The following COG5 variants were observed in gnomAD, a reference collection of about 807,000 sequenced individuals.
COG5 encodes the protein component of oligomeric golgi complex 5.
Under a neutral mutation model 110.4 loss-of-function variants are expected in COG5, and 86 were observed. The observed-to-expected ratio is 0.78, with a 90% confidence interval of 0.65 to 0.93. The LOEUF (loss-of-function observed/expected upper bound fraction) is 0.93, where lower values mean the gene tolerates loss of function less well. Ranked by LOEUF, COG5 falls within the 40% of genes least tolerant of loss-of-function variation. The pLI is 0.00. For synonymous variants in COG5, 360 were observed against 334.6 expected, an observed-to-expected ratio of 1.08 and a Z score of -0.83; for missense variants, 1,077 against 987.0, an observed-to-expected ratio of 1.09 and a Z score of -1.22.
chr7:107,317,824 A>C (rs994349400), intron 11 of COG5, among the ~76,000 whole-genome samples: 1 of 152,198 alleles, frequency 6.6e-6, no homozygotes, highest in African/African-American at 2.4e-5. Flanking sequence ...ATTAACATAG[A>C]TGTTAGAATG....
In COG5 at chr7:107,482,855, T is replaced by C. The variant is rs936175687; in HGVS notation, c.538+44382A>G. Among the ~76,000 whole-genome samples, 4 of 152,208 alleles carry C rather than the reference T, an allele frequency of 2.6e-5. No homozygotes were observed. In the East Asian group the frequency reaches 5.8e-4, roughly 22 times the overall value. The stretch of plus-strand genomic sequence containing the variant: ...CTACTCAATTAATTATAAAATTGCA[T>C]GGCTACTATTTTTCATAAAATTCTT... On this transcript the variant is annotated intron_variant, in intron 6 of 21. Transcript: ENST00000297135.
chr7:107,304,239 T>A (rs1392933811), intron 11 of COG5, among the ~76,000 whole-genome samples: 1 of 152,142 alleles, frequency 6.6e-6, no homozygotes, highest in African/African-American at 2.4e-5. Context: ...CACATGAAGA[T>A]TAAAGGATAT....
At position 107,202,636 on chromosome 7, in the gene COG5, T is replaced by TAACA. The variant is rs1371948812; in HGVS notation, c.*876_*879dup. The TAACA allele has an allele frequency of 2.0e-5, 3 of 152,296 alleles. No homozygotes were observed. Among genetic ancestry groups the TAACA allele is most frequent in the African/African-American group, 7.2e-5 (3 of 41,440 alleles). 9.4% of individuals were successfully genotyped at this position (152,296 alleles called of 1,614,324 possible). ...AGATGGAAAACATAAGGCAAATTCC[T>TAACA]AACACTGCTAATTAGGAGGCTGCTG... On this transcript the variant is annotated 3_prime_UTR_variant, in exon 22 of 22. Transcript: ENST00000297135.
chr7:107,530,959 A>C (rs1801161435), intron 5 of COG5, among the ~76,000 whole-genome samples: 1 of 152,146 alleles, frequency 6.6e-6, no homozygotes, highest in African/African-American at 2.4e-5. Context: ...GCCACCACAG[A>C]AGCCCTCATT....
chr7:107,390,926 C>CA (rs1343175863), intron 7 of COG5, among the ~76,000 whole-genome samples: 3 of 151,654 alleles, frequency 2.0e-5, no homozygotes, highest in African/African-American at 7.3e-5. Context: ...AAGGTTTTTG[C>CA]AAAAGCCTCA....
intron 1 of COG5, among the ~76,000 whole-genome samples, chr7:107,558,976 A>T (rs893938228): frequency 6.7e-6 from 1 of 150,154 alleles, no homozygotes; most frequent in Non-Finnish European, 1.5e-5. Context: ...AGAAAACAAG[A>T]TCATTGTCAG....
At chr7:107,466,717 T>C (rs941954799) in intron 6 of COG5, among the ~76,000 whole-genome samples, 3 of 152,190 alleles carry the variant, frequency 2.0e-5, no homozygotes, top group East Asian at 3.8e-4. Flanking sequence ...TGAATTGGCA[T>C]TAAAGCAAAA....
intron 17 of COG5, among the ~76,000 whole-genome samples, chr7:107,240,559 C>T (rs562738712): frequency 1.3e-5 from 2 of 152,166 alleles, no homozygotes; most frequent in African/African-American, 4.8e-5. Flanking sequence ...AACCCTACCA[C>T]ATGTAAGTTA....
Position 107,563,885 on chromosome 7 carries a change from G to A in COG5, c.12C>T (p.Gly4=), listed in dbSNP as rs1222798933. 5 of 1,613,708 alleles carry A rather than the reference G, an allele frequency of 3.1e-6. No individual in the cohort carries two copies. Among genetic ancestry groups the A allele is most frequent in the Non-Finnish European group, 4.2e-6 (5 of 1,179,944 alleles). MEG[G]GGSVAVAGLG... ...GGCCAGCTACAGCGACGCTGCCGCCGCCACCTTCCATGTTGGCAGGTGCCG... is the reference window on the plus strand; with the variant it reads ...GGCCAGCTACAGCGACGCTGCCGCCACCACCTTCCATGTTGGCAGGTGCCG... The change falls in exon 1 of 22, where the codon GGC becomes GGT. Residue 4 remains glycine, a synonymous_variant. Coordinates refer to ENST00000297135, the MANE Select transcript of COG5 (RefSeq NM_006348.5).
At chr7:107,354,912 T>C (rs951701892) in intron 10 of COG5, among the ~76,000 whole-genome samples, 2 of 152,198 alleles carry the variant, frequency 1.3e-5, no homozygotes, top group Non-Finnish European at 2.9e-5. Context: ...AATTACTACA[T>C]TGTCCTGCCC....
Position 107,281,438 on chromosome 7 carries a change from T to C in COG5, c.1476-39A>G, listed in dbSNP as rs1308526217. On this transcript the variant is annotated intron_variant, in intron 13 of 21. Coordinates refer to ENST00000297135, the MANE Select transcript of COG5 (RefSeq NM_006348.5). ...AAACAGTTTTTAAATATTAGCAACA[T>C]CATTCATCAACAAAGTAAAGAGCAA... 6 of 1,382,282 alleles carry C rather than the reference T, an allele frequency of 4.3e-6. No individual in the cohort carries two copies. The Middle Eastern group carries it at 5.3e-4, about 123-fold the overall frequency. The allele number at this position is 1,382,282 out of a possible 1,614,324, so 85.6% of individuals were successfully genotyped here.
intron 6 of COG5, among the ~76,000 whole-genome samples, chr7:107,428,452 C>A (rs115201993): frequency 0.016 from 2,392 of 152,120 alleles, 59 homozygotes; most frequent in African/African-American, 0.055. Flanking sequence ...GAGGCAGAGA[C>A]TGGAATGACA....
intron 6 of COG5, among the ~76,000 whole-genome samples, chr7:107,459,411 C>CA (rs1282752472): frequency 6.6e-6 from 1 of 151,616 alleles, no homozygotes; most frequent in Non-Finnish European, 1.5e-5. Context: ...CAGATGAAGT[C>CA]AAAAAACTAA....
intron 5 of COG5, among the ~76,000 whole-genome samples, chr7:107,538,999 T>C (rs1801787364): frequency 1.3e-5 from 2 of 152,156 alleles, no homozygotes; most frequent in South Asian, 2.1e-4. Context: ...GTGAAAACAA[T>C]GGACCAGGCG....
chr7:107,241,945 C>T (rs1448434302), intron 17 of COG5, among the ~76,000 whole-genome samples: 1 of 152,068 alleles, frequency 6.6e-6, no homozygotes, highest in East Asian at 1.9e-4. Flanking sequence ...CGACACCCAG[C>T]TAATTTTTGT....
rs550782406 is a variant in COG5 at position 107,328,896 on chromosome 7, T to C, written c.1027-4375A>G. Among the ~76,000 whole-genome samples, 319 of 152,170 alleles carry C rather than the reference T, an allele frequency of 2.1e-3. 2 individuals are homozygous for C. Among genetic ancestry groups the C allele is most frequent in the African/African-American group, 7.1e-3 (295 of 41,524 alleles). ...AGTGCAGTGGTGTGATCTTGGCTCATTGCAACCTCCGCCTCCCGGGCTCAA... is the reference window on the plus strand; with the variant it reads ...AGTGCAGTGGTGTGATCTTGGCTCACTGCAACCTCCGCCTCCCGGGCTCAA... On this transcript the variant is annotated intron_variant, in intron 10 of 21. Coordinates refer to ENST00000297135, the MANE Select transcript of COG5 (RefSeq NM_006348.5).
intron 6 of COG5, among the ~76,000 whole-genome samples, chr7:107,503,691 G>GTTCT (rs1798780773): frequency 3.3e-5 from 5 of 152,076 alleles, no homozygotes; most frequent in Admixed American, 3.3e-4. Context: ...CAGTTTTGTA[G>GTTCT]TTCACCTTGT....
At chr7:107,270,096 C>T (rs1397895266) in intron 14 of COG5, among the ~76,000 whole-genome samples, 1 of 152,172 alleles carries the variant, frequency 6.6e-6, no homozygotes, top group Non-Finnish European at 1.5e-5. Flanking sequence ...TTGGACTTGC[C>T]TCTTCAGTCC....
intron 19 of COG5, among the ~76,000 whole-genome samples, chr7:107,225,879 C>T (rs1389708024): frequency 6.6e-6 from 1 of 152,022 alleles, no homozygotes; most frequent in East Asian, 1.9e-4. Context: ...CCCGTCTCTA[C>T]TAAAAATACA....
Sources: allele counts gnomAD v4.1 joint callset (sites outside exome capture counted in the v4.1 genomes callset), GRCh38; gene constraint gnomAD v4.1.1; transcripts MANE v1.5; gene names NCBI Gene and HGNC (gene_info 2026-07-23, HGNC 2026-07-21).